ASIC5: variants seen among roughly 807,000 people sequenced by gnomAD.
The protein encoded by ASIC5 is bile acid-sensitive ion channel.
ASIC5 carries 52 observed loss-of-function variants against 51.2 expected under a neutral mutation model. The ratio of observed to expected loss-of-function variants is 1.02; its 90% confidence interval spans 0.81 to 1.28. ASIC5 has a LOEUF of 1.28. Ranked by LOEUF, ASIC5 falls within the 50% of genes most tolerant of loss-of-function variation. The pLI is 0.00. For missense variants in ASIC5, 635 were observed against 595.0 expected (o/e 1.07, Z -0.70); for synonymous variants, 231 against 200.7 (o/e 1.15, Z -1.28).
chr4:155,834,258 G>A (rs1201110710), intron 8 of ASIC5, among the ~76,000 whole-genome samples: 1 of 152,134 alleles, frequency 6.6e-6, no homozygotes, highest in Non-Finnish European at 1.5e-5. Context: ...CCATGAAGTA[G>A]CATTTATTTC....
chr4:155,842,743 G>A (rs1449685403), intron 5 of ASIC5, among the ~76,000 whole-genome samples: 1 of 152,116 alleles, frequency 6.6e-6, no homozygotes, highest in Non-Finnish European at 1.5e-5. Flanking sequence ...AGGCAACATG[G>A]TGTTGCAGAA....
Position 155,852,335 on chromosome 4 carries a change from C to T in ASIC5, c.586-19G>A. ...CAAAATCCTCCAATATGTAAATGAA[C>T]CAAAAAAAACCATCAATTTGATATT... is the stretch of plus-strand genomic sequence containing the variant. On this transcript the variant is annotated intron_variant, in intron 3 of 9. Transcript: ENST00000537611. 2 of 1,564,900 alleles carry T rather than the reference C, an allele frequency of 1.3e-6. No individual in the cohort carries two copies. Among genetic ancestry groups the T allele is most frequent in the Non-Finnish European group, 1.7e-6 (2 of 1,164,578 alleles).
At chr4:155,863,360 A>G (rs1428537413) in intron 2 of ASIC5, 88 bp downstream of exon 2, 17 of 1,070,668 alleles carry the variant, frequency 1.6e-5, no homozygotes, top group Admixed American at 1.3e-4. Flanking sequence ...GATAAGTTCC[A>G]CATGAGAAAA....
intron 7 of ASIC5, among the ~76,000 whole-genome samples, chr4:155,838,611 G>A (rs994346400): frequency 6.6e-6 from 1 of 152,126 alleles, no homozygotes; most frequent in South Asian, 2.1e-4. Flanking sequence ...AAATTTAGAT[G>A]TGTCTTAATA....
At chr4:155,862,957 T>C (rs1417785858) in intron 2 of ASIC5, among the ~76,000 whole-genome samples, 2 of 152,150 alleles carry the variant, frequency 1.3e-5, no homozygotes, top group Non-Finnish European at 2.9e-5. Context: ...TTGCACATTG[T>C]TTTATTTTGT....
At chr4:155,859,132 G>A (rs149626987) in intron 2 of ASIC5, among the ~76,000 whole-genome samples, 9 of 152,062 alleles carry the variant, frequency 5.9e-5, no homozygotes, top group African/African-American at 2.2e-4. Context: ...TGTGTGTGAC[G>A]CAGTTCCCAA....
At chr4:155,857,274 C>A (rs974726157) in intron 2 of ASIC5, among the ~76,000 whole-genome samples, 10 of 152,032 alleles carry the variant, frequency 6.6e-5, no homozygotes, top group Admixed American at 5.3e-4. Context: ...CAGGTGTACA[C>A]CACCATGCCC....
chr4:155,834,286 A>G (rs1674773903), intron 8 of ASIC5, among the ~76,000 whole-genome samples: 1 of 152,162 alleles, frequency 6.6e-6, no homozygotes, highest in African/African-American at 2.4e-5. Context: ...GGAAGACAAA[A>G]ACATACACCT....
rs1740835484 is a variant in ASIC5, at chr4:155,829,900, G to A, written c.1474C>T (p.Pro492Ser). ...ISEMTQWTPP[P>S]QNHLGNKNRI... The stretch of plus-strand genomic sequence containing the variant: ...TTTTTATTTCCCAGATGATTCTGAG[G>A]TGGAGGAGTCCACTGGGTCATTTCA... The change falls in exon 10 of 10, where the codon CCT becomes TCT. Residue 492 changes from proline to serine, a missense_variant. Transcript: ENST00000537611. The A allele has an allele frequency of 6.2e-7, 1 of 1,601,954 alleles. No homozygotes were observed. Among genetic ancestry groups the A allele is most frequent in the East Asian group, 2.3e-5 (1 of 44,168 alleles).
chr4:155,841,475 T>C (rs988887490), intron 6 of ASIC5, among the ~76,000 whole-genome samples: 2 of 152,190 alleles, frequency 1.3e-5, no homozygotes, highest in South Asian at 4.2e-4. Context: ...GGGGAGAAAT[T>C]GTAGAGCCGA....
intron 1 of ASIC5, chr4:155,865,176 A>G (rs954334624): frequency 3.9e-5 from 6 of 152,010 alleles, no homozygotes; most frequent in Admixed American, 2.6e-4. Context: ...TATTATGATT[A>G]TTATTCACTA....
chr4:155,854,640 G>C (rs1165386531), intron 2 of ASIC5: 1 of 307,794 alleles, frequency 3.2e-6, no homozygotes, highest in Non-Finnish European at 6.0e-6. Flanking sequence ...GATTTCCTGT[G>C]TGTGGCCTTG....
chr4:155,847,645 C>T (rs1741286363), intron 4 of ASIC5, among the ~76,000 whole-genome samples: 1 of 151,964 alleles, frequency 6.6e-6, no homozygotes, highest in Admixed American at 6.6e-5. Flanking sequence ...TCACTTGAAC[C>T]CAGTCAGCGG....
Position 155,863,370 on chromosome 4 carries a change from ACT to A in ASIC5, c.347+76_347+77del, listed in dbSNP as rs556270799. On this transcript the variant is annotated intron_variant, in intron 2 of 9. Coordinates refer to ENST00000537611, the MANE Select transcript of ASIC5 (RefSeq NM_017419.3). ...CATATGATAAGTTCCACATGAGAAA[ACT>A]CTTTGTCAGTCATCCAAGAAAGATT... 5.1e-5 allele frequency: 60 copies of A among 1,165,250 alleles called. No homozygotes were observed. In the South Asian group the frequency reaches 8.5e-4, roughly 17 times the overall value. 72.2% of individuals were successfully genotyped at this position (1,165,250 alleles called of 1,614,324 possible).
intron 5 of ASIC5, among the ~76,000 whole-genome samples, chr4:155,843,072 T>C (rs887639268): frequency 6.6e-6 from 1 of 152,106 alleles, no homozygotes; most frequent in Non-Finnish European, 1.5e-5. Context: ...AGGACAGCCT[T>C]CATCTGGGAC....
intron 6 of ASIC5, among the ~76,000 whole-genome samples, chr4:155,840,443 ATATATATTTTTTATATTT>A (rs1741090316): frequency 6.8e-6 from 1 of 147,282 alleles, no homozygotes; most frequent in Non-Finnish European, 1.5e-5. Flanking sequence ...ATATAATATA[ATATATATTTTTTATATTT>A]TATATATATT....
intron 8 of ASIC5, among the ~76,000 whole-genome samples, chr4:155,833,942 A>T (rs929831269): frequency 2.0e-5 from 3 of 152,194 alleles, no homozygotes; most frequent in Non-Finnish European, 4.4e-5. Context: ...CTAAAAACTG[A>T]ATTTTTTTAT....
At chr4:155,838,213 C>T (rs910029903) in intron 7 of ASIC5, among the ~76,000 whole-genome samples, 4 of 152,054 alleles carry the variant, frequency 2.6e-5, no homozygotes, top group Non-Finnish European at 4.4e-5. Flanking sequence ...AATGACTTCA[C>T]GTGATAAATA....
chr4:155,863,066 G>A (rs747124024), intron 2 of ASIC5, among the ~76,000 whole-genome samples: 20 of 152,200 alleles, frequency 1.3e-4, no homozygotes, highest in Middle Eastern at 6.8e-3. Flanking sequence ...CATCTGGCTG[G>A]GCACAGTGGC....
Sources: gnomAD v4.1 joint callset for allele counts (sites outside exome capture counted in the v4.1 genomes callset) on GRCh38, gnomAD v4.1.1 for gene constraint, MANE v1.5 for transcripts, NCBI Gene and HGNC (gene_info 2026-07-23, HGNC 2026-07-21) for gene names.